The following NRXN3 variants were observed in gnomAD, a reference collection of about 807,000 sequenced individuals.
NRXN3 encodes the protein neurexin 3, also known as neurexin III.
NRXN3 carries 32 observed loss-of-function variants against 137.6 expected under a neutral mutation model. The observed-to-expected ratio is 0.23, with a 90% CI of 0.18 to 0.31. The LOEUF is 0.31. Ranked by LOEUF, NRXN3 falls within the 10% of genes least tolerant of loss-of-function variation. The pLI is 1.00. For synonymous variants in NRXN3, 798 were observed against 784.5 expected (o/e 1.02, Z -0.29); for missense variants, 1,574 against 2,062.5 (o/e 0.76, Z 4.59).
At chr14:79,012,062 C>A (rs1253029396) in intron 15 of NRXN3, among the ~76,000 whole-genome samples, 1 of 152,082 alleles carries the variant, frequency 6.6e-6, no homozygotes, top group South Asian at 2.1e-4. Context: ...AAAATTATAA[C>A]CTGAGATAGT....
intron 4 of NRXN3, among the ~76,000 whole-genome samples, chr14:78,522,606 A>C (rs757420717): frequency 6.6e-6 from 1 of 152,122 alleles, no homozygotes; most frequent in African/African-American, 2.4e-5. Flanking sequence ...TAAAAATCAC[A>C]TTTTAATGAT....
intron 19 of NRXN3, among the ~76,000 whole-genome samples, chr14:79,760,332 A>G (rs1481770664): frequency 6.6e-6 from 1 of 151,504 alleles, no homozygotes; most frequent in Non-Finnish European, 1.5e-5. Context: ...CTCCTAATAC[A>G]AATATCAGTT....
chr14:78,528,215 T>C (rs2096408337), intron 4 of NRXN3, among the ~76,000 whole-genome samples: 1 of 152,224 alleles, frequency 6.6e-6, no homozygotes, highest in Non-Finnish European at 1.5e-5. Flanking sequence ...ACTTTGCTTC[T>C]TTCTGTTATT....
intron 15 of NRXN3, among the ~76,000 whole-genome samples, chr14:79,113,351 A>T (rs918563602): frequency 2.0e-5 from 3 of 152,170 alleles, no homozygotes; most frequent in African/African-American, 7.2e-5. Flanking sequence ...TGTCTCCACC[A>T]TGGGAACAAA....
At position 79,228,573 on chromosome 14, in the gene NRXN3, G is replaced by T. The variant is rs545407592; in HGVS notation, c.3263-238648G>T. On this transcript the variant is annotated intron_variant, in intron 15 of 20. Coordinates refer to ENST00000335750, the MANE Select transcript of NRXN3 (RefSeq NM_001330195.2). Reference sequence around the variant, plus strand: ...TGTCAAAGTATTAGAGGAGGCAATTGGTAGGTAAAGATAATTAAAGGGACA... The same window carrying T: ...TGTCAAAGTATTAGAGGAGGCAATTTGTAGGTAAAGATAATTAAAGGGACA... Among the ~76,000 whole-genome samples, 7 of 152,188 alleles carry T rather than the reference G, an allele frequency of 4.6e-5. No individual in the cohort carries two copies. In the South Asian group the frequency reaches 1.5e-3, roughly 32 times the overall value.
intron 20 of NRXN3, among the ~76,000 whole-genome samples, chr14:79,827,239 C>CA (rs763135097): frequency 2.6e-5 from 4 of 151,880 alleles, no homozygotes; most frequent in Non-Finnish European, 4.4e-5. Context: ...GGACAGGTAA[C>CA]AAGGCAGGGG....
chr14:78,700,377 A>C (rs775240316), intron 6 of NRXN3, among the ~76,000 whole-genome samples: 2 of 152,210 alleles, frequency 1.3e-5, no homozygotes, highest in Non-Finnish European at 2.9e-5. Flanking sequence ...CTGAGGCTTC[A>C]TCTGGGTTGA....
At chr14:79,788,786 G>C (rs1475900225) in intron 19 of NRXN3, among the ~76,000 whole-genome samples, 1 of 152,116 alleles carries the variant, frequency 6.6e-6, no homozygotes, top group Non-Finnish European at 1.5e-5. Flanking sequence ...AGAAACTATT[G>C]AGTTGCGATG....
intron 6 of NRXN3, 28 bp from the exon 7 acceptor site, chr14:78,709,189 C>T (rs1295403138): frequency 1.3e-6 from 2 of 1,585,318 alleles, no homozygotes; most frequent in Admixed American, 1.7e-5. Context: ...GATTGATTCA[C>T]ATGGCACTTT....
intron 15 of NRXN3, among the ~76,000 whole-genome samples, chr14:79,079,564 AT>A (rs1007309692): frequency 1.3e-5 from 2 of 151,918 alleles, no homozygotes; most frequent in African/African-American, 2.4e-5. Flanking sequence ...CATTATAGCT[AT>A]TTTTTTTCAA....
At chr14:79,217,907 A>G (rs190733191) in intron 15 of NRXN3, among the ~76,000 whole-genome samples, 192 of 152,340 alleles carry the variant, frequency 1.3e-3, no homozygotes, top group Admixed American at 2.7e-3. Flanking sequence ...CTGAAATTTT[A>G]TCAATAAGAT....
At chr14:79,110,762 T>TTTTA (rs369429039) in intron 15 of NRXN3, among the ~76,000 whole-genome samples, 2,083 of 139,126 alleles carry the variant, frequency 0.015, 49 homozygotes, top group African/African-American at 0.052. Flanking sequence ...GAAATTATTA[T>TTTTA]TTTATTTATT....
chr14:79,001,725 G>A (rs192301130), intron 15 of NRXN3, among the ~76,000 whole-genome samples: 9 of 152,292 alleles, frequency 5.9e-5, no homozygotes, highest in East Asian at 3.9e-4. Flanking sequence ...GGGAATTAGC[G>A]TGGACCTGAG....
At chr14:79,017,024 A>G (rs1278561002) in intron 15 of NRXN3, among the ~76,000 whole-genome samples, 1 of 152,152 alleles carries the variant, frequency 6.6e-6, no homozygotes, top group Non-Finnish European at 1.5e-5. Flanking sequence ...TAAACCTGGC[A>G]CTTAGCCCAG....
intron 3 of NRXN3, among the ~76,000 whole-genome samples, chr14:78,286,608 T>C (rs924232728): frequency 6.6e-6 from 1 of 152,140 alleles, no homozygotes; most frequent in African/African-American, 2.4e-5. Context: ...GTAGCTTAGC[T>C]GACTGTGACG....
chr14:78,992,364 A>G (rs562079659), intron 15 of NRXN3, among the ~76,000 whole-genome samples: 2 of 152,214 alleles, frequency 1.3e-5, no homozygotes, highest in African/African-American at 2.4e-5. Context: ...CTGAAAATCA[A>G]CTTAATGAAA....
At chr14:79,484,169 G>A (rs370550671) in intron 16 of NRXN3, among the ~76,000 whole-genome samples, 64 of 152,268 alleles carry the variant, frequency 4.2e-4, no homozygotes, top group African/African-American at 1.4e-3. Context: ...CATTCCCATT[G>A]CCCCAGCACA....
chr14:79,524,411 T>G (rs1445430287), intron 16 of NRXN3, among the ~76,000 whole-genome samples: 1 of 152,048 alleles, frequency 6.6e-6, no homozygotes, highest in African/African-American at 2.4e-5. Context: ...AAAAAACAAA[T>G]CCCCTGAGGC....
intron 20 of NRXN3, chr14:79,853,524 A>T (rs1468473804): frequency 7.4e-7 from 1 of 1,346,060 alleles, no homozygotes; most frequent in South Asian, 1.1e-5. Context: ...TATATTGCCC[A>T]TCCCTTCCTT....
Sources: gnomAD v4.1 joint callset for allele counts (sites outside exome capture counted in the v4.1 genomes callset) on GRCh38, gnomAD v4.1.1 for gene constraint, MANE v1.5 for transcripts, NCBI Gene and HGNC (gene_info 2026-07-23, HGNC 2026-07-21) for gene names.